Variants in SHROOM4 observed in about 807,000 individuals in gnomAD.
SHROOM4 encodes shroom family member 4.
In SHROOM4, 17 loss-of-function variants were observed where a neutral mutation model predicts 80.3. The ratio of observed to expected loss-of-function variants is 0.21; its 90% CI spans 0.14 to 0.32. The LOEUF (loss-of-function observed/expected upper bound fraction) is 0.32. SHROOM4 is among the 10% of genes least tolerant of loss of function. The probability of loss-of-function intolerance (pLI) is 1.00; values close to 1 mark genes in which losing one functional copy is unlikely to be tolerated. For missense variants in SHROOM4, 993 were observed against 1,140.3 expected, an observed-to-expected ratio of 0.87 and a Z score of 1.86; for synonymous variants, 400 against 437.5, an observed-to-expected ratio of 0.91 and a Z score of 1.07.
chrX:50,724,087 C>T (rs1216983284), intron 1 of SHROOM4, among the ~76,000 whole-genome samples: 1 of 110,309 alleles, frequency 9.1e-6, no homozygotes. Flanking sequence ...CCCTTACGAT[C>T]CCATTAAAAC....
chrX:50,709,048 G>A lies in SHROOM4; in HGVS notation c.118-13111C>T, dbSNP rs182961800. Reference sequence around the variant, plus strand: ...CTATTTCTGTGTGGTCCTTCCAGAGGGGTGGGGGACGGAGGAAAGAGAGGC... The same window carrying A: ...CTATTTCTGTGTGGTCCTTCCAGAGAGGTGGGGGACGGAGGAAAGAGAGGC... On this transcript the variant is annotated intron_variant, in intron 1 of 8. Coordinates refer to ENST00000376020, the MANE Select transcript of SHROOM4 (RefSeq NM_020717.5). 4.5e-5 allele frequency among the ~76,000 whole-genome samples: 5 copies of A among 111,151 alleles called. No homozygotes were observed. The East Asian group carries it at 1.4e-3, about 32-fold the overall frequency.
At chrX:50,708,745 G>A (rs1933738009) in intron 1 of SHROOM4, among the ~76,000 whole-genome samples, 1 of 111,681 alleles carries the variant, frequency 9.0e-6, no homozygotes, top group Non-Finnish European at 1.9e-5. Context: ...AGATACATGC[G>A]GGAAGGATAA....
At chrX:50,781,241 C>T (rs1406606241) in intron 1 of SHROOM4, among the ~76,000 whole-genome samples, 1 of 111,795 alleles carries the variant, frequency 8.9e-6, no homozygotes, top group African/African-American at 3.3e-5. Flanking sequence ...CCCTCACAGA[C>T]ACACCCAGAA....
intron 1 of SHROOM4, among the ~76,000 whole-genome samples, chrX:50,713,077 C>T (rs1199289159): frequency 1.8e-5 from 2 of 110,332 alleles, no homozygotes; most frequent in Admixed American, 9.7e-5. Flanking sequence ...GGTATCCACC[C>T]CAGGAGATAA....
rs185862501 is a variant in SHROOM4, at chrX:50,804,804, C to T, written c.117+9098G>A. On this transcript the variant is annotated intron_variant, in intron 1 of 8. Coordinates refer to ENST00000376020, the MANE Select transcript of SHROOM4 (RefSeq NM_020717.5). ...TCCCACCATGTCTAGGCTTTGACCA[C>T]CTTTGGGTTCAAGAGGTTACTGAAC... 3.7e-4 allele frequency among the ~76,000 whole-genome samples: 42 copies of T among 112,065 alleles called. No individual in the cohort carries two copies. The East Asian group carries it at 9.3e-3, about 25-fold the overall frequency.
At chrX:50,791,801 G>A (rs1388350114) in intron 1 of SHROOM4, among the ~76,000 whole-genome samples, 1 of 109,339 alleles carries the variant, frequency 9.1e-6, no homozygotes, top group African/African-American at 3.3e-5. Flanking sequence ...AGAAAAAGCT[G>A]GATTCCCTGA....
intron 5 of SHROOM4, among the ~76,000 whole-genome samples, chrX:50,608,557 G>C (rs1320649904): frequency 9.0e-6 from 1 of 111,611 alleles, no homozygotes; most frequent in East Asian, 2.8e-4. Context: ...GAACAGTTTA[G>C]CTCCAAAGTC....
chrX:50,648,920 G>A lies in SHROOM4; in HGVS notation c.270-10612C>T, dbSNP rs1431983355. On this transcript the variant is annotated intron_variant, in intron 2 of 8. Coordinates refer to ENST00000376020, the MANE Select transcript of SHROOM4 (RefSeq NM_020717.5). ...AGTAGGAGAGCAATATGGTACGAGC[G>A]GTATTATAGGAAAGTTATTATGGTA... 1.3e-4 allele frequency among the ~76,000 whole-genome samples: 14 copies of A among 111,867 alleles called. No homozygotes were observed. In the Admixed American group the frequency reaches 1.3e-3, roughly 11 times the overall value.
intron 1 of SHROOM4, among the ~76,000 whole-genome samples, chrX:50,785,632 G>A (rs1454645110): frequency 9.0e-6 from 1 of 111,644 alleles, no homozygotes; most frequent in African/African-American, 3.3e-5. Flanking sequence ...AGCTACTGTA[G>A]TGATAGAAAG....
intron 4 of SHROOM4, among the ~76,000 whole-genome samples, chrX:50,632,388 C>T (rs543738176): frequency 8.9e-6 from 1 of 111,853 alleles, no homozygotes; most frequent in East Asian, 2.8e-4. Context: ...TTGAATGCAC[C>T]GGCCAAAAGA....
rs1933352353 is a variant in SHROOM4 at position 50,695,785 on chromosome X, C to A, written c.269+1G>T. On this transcript the variant is annotated splice_donor_variant, in intron 2 of 8. Transcript: ENST00000376020. LOFTEE classifies it high-confidence loss of function. ...TTACGGAGAATCTCCCTGTACCTTA[C>A]CTCCTGACAATCAGCTTGAGAATCC... is the stretch of plus-strand genomic sequence containing the variant. 2 of 1,209,971 alleles carry A rather than the reference C, an allele frequency of 1.7e-6. No individual in the cohort carries two copies. Among genetic ancestry groups the A allele is most frequent in the African/African-American group, 1.7e-5 (1 of 57,181 alleles).
chrX:50,711,489 G>A (rs1467716632), intron 1 of SHROOM4, among the ~76,000 whole-genome samples: 1 of 111,923 alleles, frequency 8.9e-6, no homozygotes, highest in African/African-American at 3.2e-5. Flanking sequence ...ACTCACCCAC[G>A]TCAGATTTTG....
chrX:50,702,333 T>C (rs1437085042), intron 1 of SHROOM4, among the ~76,000 whole-genome samples: 1 of 111,719 alleles, frequency 9.0e-6, no homozygotes, highest in Non-Finnish European at 1.9e-5. Flanking sequence ...AGCAATTCCA[T>C]ACTTAGAGAC....
At chrX:50,717,710 C>A (rs1450839645) in intron 1 of SHROOM4, among the ~76,000 whole-genome samples, 1 of 111,862 alleles carries the variant, frequency 8.9e-6, no homozygotes, top group East Asian at 2.8e-4. Context: ...GCCAGCATCT[C>A]CCCAGAAGGC....
chrX:50,733,291 A>C (rs1336229519), intron 1 of SHROOM4, among the ~76,000 whole-genome samples: 1 of 111,855 alleles, frequency 8.9e-6, no homozygotes, highest in Non-Finnish European at 1.9e-5. Context: ...TGACAAATCC[A>C]CACTGCCATC....
chrX:50,627,775 C>A (rs1008097826), intron 4 of SHROOM4, 100 bp from the exon 5 acceptor site: 1 of 680,412 alleles, frequency 1.5e-6, no homozygotes, highest in Non-Finnish European at 2.3e-6. Flanking sequence ...TCTGGCCCAG[C>A]CCCCCAGCTT....
chrX:50,716,951 C>G (rs1933970112), intron 1 of SHROOM4, among the ~76,000 whole-genome samples: 1 of 112,370 alleles, frequency 8.9e-6, no homozygotes, highest in Non-Finnish European at 1.9e-5. Flanking sequence ...ATTGTTTAAG[C>G]CAGTTAGAGT....
At chrX:50,771,370 T>G (rs1357289574) in intron 1 of SHROOM4, among the ~76,000 whole-genome samples, 1 of 112,466 alleles carries the variant, frequency 8.9e-6, no homozygotes, top group Non-Finnish European at 1.9e-5. Flanking sequence ...GAAGCAGCCA[T>G]GTTTAAAAAC....
chrX:50,813,626 G>A (rs1179014499), intron 1 of SHROOM4, among the ~76,000 whole-genome samples: 1 of 112,270 alleles, frequency 8.9e-6, no homozygotes, highest in Non-Finnish European at 1.9e-5. Flanking sequence ...CCGCCCCGAC[G>A]TGGGGCAGCA....
Sources: allele counts gnomAD v4.1 joint callset (sites outside exome capture counted in the v4.1 genomes callset), GRCh38; gene constraint gnomAD v4.1.1; transcripts MANE v1.5; gene names NCBI Gene and HGNC (gene_info 2026-07-23, HGNC 2026-07-21).